Variants in CTNNA3 observed in about 807,000 individuals in gnomAD.
The protein encoded by CTNNA3 is catenin alpha-3.
A neutral mutation model predicts 95.7 loss-of-function variants in CTNNA3; 76 were observed. That is an observed-to-expected ratio of 0.79 (90% CI 0.66 to 0.96). CTNNA3 has a LOEUF of 0.96. Ranked by LOEUF, CTNNA3 falls within the 40% of genes least tolerant of loss-of-function variation. The pLI is 0.00. For missense variants in CTNNA3, 1,191 were observed against 1,089.8 expected (o/e 1.09, Z -1.31); for synonymous variants, 431 against 374.4 (o/e 1.15, Z -1.74).
chr10:66,093,812 A>G (rs1476942269), intron 14 of CTNNA3, among the ~76,000 whole-genome samples: 1 of 152,080 alleles, frequency 6.6e-6, no homozygotes, highest in Non-Finnish European at 1.5e-5. Flanking sequence ...GGCTCAATAT[A>G]TTAGCCTAGG....
chr10:67,663,179 T>G (rs1840238409), intron 1 of CTNNA3, among the ~76,000 whole-genome samples: 1 of 152,216 alleles, frequency 6.6e-6, no homozygotes, highest in African/African-American at 2.4e-5. Context: ...TATCATCCTG[T>G]GCATCTGATC....
chr10:66,930,359 C>T (rs1038594905), intron 7 of CTNNA3, among the ~76,000 whole-genome samples: 7 of 152,172 alleles, frequency 4.6e-5, no homozygotes, highest in South Asian at 2.1e-4. Context: ...TACTTCCTCA[C>T]AGCTTACTGG....
chr10:65,944,882 A>G (rs1334847849), intron 17 of CTNNA3, among the ~76,000 whole-genome samples: 2 of 147,826 alleles, frequency 1.4e-5, no homozygotes, highest in African/African-American at 2.5e-5. Context: ...CTATCTATCT[A>G]TCTATCTATC....
rs1263491501 is a variant in CTNNA3 at position 66,320,648 on chromosome 10, AT to A, written c.1733-40028del. 2.0e-5 allele frequency among the ~76,000 whole-genome samples: 3 copies of A among 152,106 alleles called. No homozygotes were observed. The East Asian group carries it at 5.8e-4, about 29-fold the overall frequency. ...TCTCATTCCTAACCCAGCCTGAGAC[AT>A]TCTGTTCCTGATAATAAAAAACACA... On this transcript the variant is annotated intron_variant, in intron 12 of 17. Transcript: ENST00000433211.
In CTNNA3 at chr10:65,920,338, T is replaced by A. The variant is rs765799315; in HGVS notation, c.2680A>T (p.Ile894Phe). ...QVMSEFRGRQ[I>F]Y is the part of the protein sequence containing the mutation. ...TATGTAGAATAGTGGTTTCAGTAGATTTGTCTTCCTCTAAATTCACTCATG... is the reference window on the plus strand; with the variant it reads ...TATGTAGAATAGTGGTTTCAGTAGAATTGTCTTCCTCTAAATTCACTCATG... Residue 894 changes from isoleucine to phenylalanine, a missense_variant, in exon 18 of 18, where the codon ATC (isoleucine) becomes TTC (phenylalanine). Physicochemically the swap from Ile to Phe is conservative, Grantham distance 21. Coordinates refer to ENST00000433211, the MANE Select transcript of CTNNA3 (RefSeq NM_013266.4). 21 of 1,613,320 alleles carry A rather than the reference T, an allele frequency of 1.3e-5. No homozygotes were observed. The highest frequency in any genetic ancestry group is 1.7e-4 in the Middle Eastern group (1 of 6,054).
chr10:67,754,304 CG>C (rs35808441), intron 1 of CTNNA3, among the ~76,000 whole-genome samples: 4 of 151,724 alleles, frequency 2.6e-5, no homozygotes, highest in East Asian at 1.9e-4. Context: ...TAGAGCCTAT[CG>C]GGGGGGCGTT....
At chr10:66,678,536 A>G (rs1243340648) in intron 9 of CTNNA3, among the ~76,000 whole-genome samples, 1 of 152,200 alleles carries the variant, frequency 6.6e-6, no homozygotes, top group East Asian at 1.9e-4. Flanking sequence ...TGTTATATGA[A>G]GAATCACAAC....
chr10:66,676,108 AACACACAC>A (rs58800149), intron 9 of CTNNA3, among the ~76,000 whole-genome samples: 35,589 of 150,418 alleles, frequency 0.24, 5,484 homozygotes, highest in East Asian at 0.56. Flanking sequence ...AAACCTTTAA[AACACACAC>A]ACACACACAC....
chr10:66,486,857 A>C (rs1839745896), intron 11 of CTNNA3, among the ~76,000 whole-genome samples: 1 of 151,808 alleles, frequency 6.6e-6, no homozygotes, highest in Non-Finnish European at 1.5e-5. Context: ...AAAATGAAAT[A>C]TCAGTCAGTC....
chr10:66,854,019 T>C (rs755953900), intron 7 of CTNNA3, among the ~76,000 whole-genome samples: 1 of 152,050 alleles, frequency 6.6e-6, no homozygotes, highest in African/African-American at 2.4e-5. Flanking sequence ...CACCATCGCA[T>C]GTAAATGCAC....
intron 5 of CTNNA3, among the ~76,000 whole-genome samples, chr10:67,374,668 G>T (rs912149287): frequency 6.6e-6 from 1 of 152,038 alleles, no homozygotes; most frequent in African/African-American, 2.4e-5. Flanking sequence ...GAGATATTTT[G>T]TTACAGGTAA....
At chr10:66,500,741 G>C (rs895624752) in intron 11 of CTNNA3, among the ~76,000 whole-genome samples, 1 of 152,188 alleles carries the variant, frequency 6.6e-6, no homozygotes. Context: ...TTCCTCCCAT[G>C]ACCATTTTCC....
chr10:66,950,474 TCTCA>T (rs1848485739), intron 7 of CTNNA3, among the ~76,000 whole-genome samples: 1 of 151,912 alleles, frequency 6.6e-6, no homozygotes, highest in Non-Finnish European at 1.5e-5. Flanking sequence ...CTTGTGAGAG[TCTCA>T]CTGAGACTCT....
chr10:66,807,820 TC>T, intron 7 of CTNNA3, among the ~76,000 whole-genome samples: 1 of 152,288 alleles, frequency 6.6e-6, no homozygotes, highest in South Asian at 2.1e-4. Context: ...TTTTATATCA[TC>T]TGATAAGCTT....
At chr10:67,655,405 T>C in intron 1 of CTNNA3, among the ~76,000 whole-genome samples, 1 of 152,238 alleles carries the variant, frequency 6.6e-6, no homozygotes, top group East Asian at 1.9e-4. Context: ...TCTCCCAAAA[T>C]ATCAGAAGAA....
intron 7 of CTNNA3, among the ~76,000 whole-genome samples, chr10:66,973,920 C>G (rs890300073): frequency 1.3e-5 from 2 of 152,168 alleles, no homozygotes; most frequent in Admixed American, 6.5e-5. Flanking sequence ...CCGCGTCCAG[C>G]CTTATTTATT....
intron 11 of CTNNA3, among the ~76,000 whole-genome samples, chr10:66,483,351 G>C (rs752955691): frequency 6.8e-6 from 1 of 146,154 alleles, no homozygotes; most frequent in Non-Finnish European, 1.5e-5. Context: ...AGATGAAGTG[G>C]CCAAGAAAAC....
At chr10:67,386,091 T>C (rs1844150206) in intron 5 of CTNNA3, among the ~76,000 whole-genome samples, 1 of 152,182 alleles carries the variant, frequency 6.6e-6, no homozygotes, top group Non-Finnish European at 1.5e-5. Flanking sequence ...TAATGTACAA[T>C]ATAAGTATAT....
chr10:66,598,467 A>G (rs1451531124), intron 10 of CTNNA3, among the ~76,000 whole-genome samples: 7 of 152,048 alleles, frequency 4.6e-5, no homozygotes, highest in Admixed American at 4.6e-4. Flanking sequence ...GAGGAAGTCA[A>G]ATTGTTCTTG....
Sources: gnomAD v4.1 joint callset for allele counts (sites outside exome capture counted in the v4.1 genomes callset) on GRCh38, gnomAD v4.1.1 for gene constraint, MANE v1.5 for transcripts, NCBI Gene and HGNC (gene_info 2026-07-23, HGNC 2026-07-21) for gene names.